The following PDE8B variants were observed in gnomAD, a reference collection of about 807,000 sequenced individuals.
PDE8B encodes phosphodiesterase 8B, also known as high affinity cAMP-specific and IBMX-insensitive 3',5'-cyclic phosphodiesterase 8B.
Under a neutral mutation model 101.3 loss-of-function variants are expected in PDE8B, and 26 were observed. The observed-to-expected ratio is 0.26, with a 90% CI of 0.19 to 0.36. The LOEUF (loss-of-function observed/expected upper bound fraction) is 0.36, where lower values mean the gene tolerates loss of function less well. Among genes scored for constraint, PDE8B ranks in the 10% least tolerant of loss-of-function variants. PDE8B has a pLI of 1.00. For synonymous variants in PDE8B, 424 were observed against 429.3 expected (o/e 0.99, Z 0.15); for missense variants, 810 against 1,163.1 (o/e 0.70, Z 4.42).
the PDE8B span, among the ~76,000 whole-genome samples, chr5:77,097,365 C>T: frequency 1.3e-4 from 19 of 151,898 alleles, no homozygotes; most frequent in African/African-American, 4.4e-4. Context: ...TGAAGCTTAG[C>T]TGATCTAGGA....
chr5:77,107,112 T>C, the PDE8B span, among the ~76,000 whole-genome samples: 1 of 152,110 alleles, frequency 6.6e-6, no homozygotes, highest in Non-Finnish European at 1.5e-5. Flanking sequence ...CCAAGTGTTC[T>C]CATTGTTCAG....
intron 11 of PDE8B, among the ~76,000 whole-genome samples, chr5:77,404,060 T>G (rs987090114): frequency 3.9e-5 from 6 of 152,126 alleles, no homozygotes; most frequent in African/African-American, 1.4e-4. Context: ...CTTGGCTCAT[T>G]GCATGCAACC....
At chr5:77,373,350 C>T (rs1470943971) in intron 10 of PDE8B, among the ~76,000 whole-genome samples, 1 of 152,114 alleles carries the variant, frequency 6.6e-6, no homozygotes, top group East Asian at 1.9e-4. Flanking sequence ...AACTGACATA[C>T]ATTAAACTGC....
chr5:77,415,862 C>T (rs998014843), intron 17 of PDE8B, among the ~76,000 whole-genome samples: 1 of 152,276 alleles, frequency 6.6e-6, no homozygotes, highest in South Asian at 2.1e-4. Flanking sequence ...AATATTTATC[C>T]TGAATAAGAA....
intron 10 of PDE8B, 148 bp from the exon 11 acceptor site, chr5:77,400,100 A>G: frequency 1.5e-6 from 1 of 655,364 alleles, no homozygotes; most frequent in Admixed American, 2.3e-5. Context: ...CACTTGGTGT[A>G]TGTCTTTCAT....
chr5:77,104,260 G>A, the PDE8B span, among the ~76,000 whole-genome samples: 8 of 152,164 alleles, frequency 5.3e-5, no homozygotes, highest in Non-Finnish European at 1.2e-4. Context: ...CATGTTTGCC[G>A]GGAGGGAGCT....
chr5:77,315,789 A>G (rs1368260661), intron 2 of PDE8B, among the ~76,000 whole-genome samples: 4 of 152,144 alleles, frequency 2.6e-5, no homozygotes, highest in African/African-American at 9.7e-5. Flanking sequence ...TGTCCCTTTT[A>G]TCATTACGTA....
intron 20 of PDE8B, among the ~76,000 whole-genome samples, chr5:77,424,685 G>A (rs1797533230): frequency 6.6e-6 from 1 of 152,136 alleles, no homozygotes; most frequent in Admixed American, 6.5e-5. Flanking sequence ...AAGTGTACGT[G>A]TACTCCCATT....
chr5:77,176,407 T>G, the PDE8B span, among the ~76,000 whole-genome samples: 2 of 152,170 alleles, frequency 1.3e-5, no homozygotes, highest in Non-Finnish European at 2.9e-5. Flanking sequence ...ATTTACAGTT[T>G]TTAAACTTAA....
chr5:77,262,933 A>G (rs1277938996), intron 1 of PDE8B, among the ~76,000 whole-genome samples: 1 of 152,232 alleles, frequency 6.6e-6, no homozygotes, highest in Non-Finnish European at 1.5e-5. Flanking sequence ...TTGACCTGTG[A>G]CATAATATCC....
chr5:77,378,567 T>C (rs1308175145), intron 10 of PDE8B, among the ~76,000 whole-genome samples: 2 of 150,528 alleles, frequency 1.3e-5, no homozygotes, highest in African/African-American at 4.9e-5. Context: ...TGTAATTGAA[T>C]CACCTGGAGA....
chr5:77,342,418 A>T (rs1327898261), intron 6 of PDE8B, among the ~76,000 whole-genome samples: 1 of 152,114 alleles, frequency 6.6e-6, no homozygotes, highest in Non-Finnish European at 1.5e-5. Flanking sequence ...GCCAGATTTC[A>T]CCCAGTTCTT....
the PDE8B span, among the ~76,000 whole-genome samples, chr5:77,097,719 A>ATATATATATATATATC: frequency 9.3e-5 from 4 of 43,202 alleles, no homozygotes; most frequent in Non-Finnish European, 6.9e-5. Context: ...ATATATATAT[A>ATATATATATATATATC]TATATATATA....
the PDE8B span, chr5:77,141,590 G>T: frequency 6.6e-6 from 1 of 152,164 alleles, no homozygotes; most frequent in South Asian, 2.1e-4. Context: ...TTTAAAGACA[G>T]GGTCTTATTC....
intron 10 of PDE8B, among the ~76,000 whole-genome samples, chr5:77,360,732 A>C (rs1782950987): frequency 6.6e-6 from 1 of 152,058 alleles, no homozygotes; most frequent in African/African-American, 2.4e-5. Flanking sequence ...CACCTTTAGC[A>C]TCCTTGCTTT....
At chr5:77,150,076 C>G in the PDE8B span, among the ~76,000 whole-genome samples, 3 of 152,198 alleles carry the variant, frequency 2.0e-5, no homozygotes, top group African/African-American at 4.8e-5. Flanking sequence ...GCCACATCCT[C>G]CAGCCACCAG....
At chr5:77,129,636 T>G in the PDE8B span, among the ~76,000 whole-genome samples, 1 of 152,206 alleles carries the variant, frequency 6.6e-6, no homozygotes, top group African/African-American at 2.4e-5. Context: ...TTCACAGTAA[T>G]TTGCTGTGGA....
the PDE8B span, among the ~76,000 whole-genome samples, chr5:77,104,371 A>G: frequency 2.6e-3 from 399 of 152,302 alleles, 3 homozygotes; most frequent in Non-Finnish European, 4.4e-3. Context: ...TACTGAAACT[A>G]AATCCTCAAT....
At chr5:77,412,668 AT>A in intron 16 of PDE8B, among the ~76,000 whole-genome samples, 1 of 152,112 alleles carries the variant, frequency 6.6e-6, no homozygotes, top group Non-Finnish European at 1.5e-5. Context: ...TCTGTTGGAT[AT>A]GAAAGATTCT....
Sources: allele counts gnomAD v4.1 joint callset (sites outside exome capture counted in the v4.1 genomes callset), GRCh38; gene constraint gnomAD v4.1.1; transcripts MANE v1.5; gene names NCBI Gene and HGNC (gene_info 2026-07-23, HGNC 2026-07-21).